Variants in RNF175 observed in about 807,000 individuals in gnomAD.
RNF175 encodes ring finger protein 175.
In RNF175, 38 loss-of-function variants were observed where a neutral mutation model predicts 50.0. The ratio of observed to expected loss-of-function variants is 0.76; its 90% CI spans 0.59 to 1.00. RNF175 has a LOEUF of 1.00. Ranked by LOEUF, RNF175 falls within the 50% of genes least tolerant of loss-of-function variation. RNF175 has a pLI of 0.00. For synonymous variants in RNF175, 155 were observed against 146.1 expected (o/e 1.06, Z -0.44); for missense variants, 388 against 409.6 (o/e 0.95, Z 0.46).
chr4:153,723,837 G>A (rs1431331904), intron 4 of RNF175, among the ~76,000 whole-genome samples: 1 of 152,152 alleles, frequency 6.6e-6, no homozygotes, highest in African/African-American at 2.4e-5. Flanking sequence ...GTGCCTTGGA[G>A]GTGAACAAAA....
intron 3 of RNF175, among the ~76,000 whole-genome samples, chr4:153,734,955 C>T (rs1739275412): frequency 6.6e-6 from 1 of 152,102 alleles, no homozygotes; most frequent in Admixed American, 6.6e-5. Context: ...GGATTACAGG[C>T]TTGAGCCACC....
intron 3 of RNF175, among the ~76,000 whole-genome samples, chr4:153,744,568 T>C (rs1233738563): frequency 6.6e-6 from 1 of 152,140 alleles, no homozygotes; most frequent in Non-Finnish European, 1.5e-5. Flanking sequence ...AAAAAGAACA[T>C]TTTTTTCTAC....
chr4:153,735,610 A>G (rs1739314372), intron 3 of RNF175, among the ~76,000 whole-genome samples: 1 of 152,212 alleles, frequency 6.6e-6, no homozygotes, highest in South Asian at 2.1e-4. Context: ...AGATCTATAG[A>G]TCAAGTCAGG....
chr4:153,738,034 CATT>C (rs1436255087), intron 3 of RNF175, among the ~76,000 whole-genome samples: 1 of 152,074 alleles, frequency 6.6e-6, no homozygotes, highest in Non-Finnish European at 1.5e-5. Context: ...ACCCCTTTAT[CATT>C]ATGTAATGCC....
intron 6 of RNF175, among the ~76,000 whole-genome samples, chr4:153,716,063 C>CAAAAAA (rs35531787): frequency 6.4e-5 from 6 of 94,188 alleles, no homozygotes; most frequent in African/African-American, 9.7e-5. Context: ...GACTCTGTCT[C>CAAAAAA]AAAAAAAAAA....
intron 1 of RNF175, among the ~76,000 whole-genome samples, chr4:153,751,751 ATCAG>A (rs1740301881): frequency 6.6e-6 from 1 of 152,180 alleles, no homozygotes; most frequent in African/African-American, 2.4e-5. Context: ...GTTTTGGCAA[ATCAG>A]TCAAAGTTAC....
At chr4:153,753,308 T>C (rs572321062) in intron 1 of RNF175, among the ~76,000 whole-genome samples, 2 of 151,970 alleles carry the variant, frequency 1.3e-5, no homozygotes, top group Non-Finnish European at 2.9e-5. Context: ...TAAGGTTTGG[T>C]GGCCCCCACA....
At chr4:153,742,200 G>A (rs1010609033) in intron 3 of RNF175, among the ~76,000 whole-genome samples, 2 of 150,984 alleles carry the variant, frequency 1.3e-5, no homozygotes, top group Admixed American at 6.6e-5. Flanking sequence ...CTTGAACCTG[G>A]GAGGCAGAGG....
At position 153,712,618 on chromosome 4, in the gene RNF175, A is replaced by C. The variant is rs772304869; in HGVS notation, c.765-42T>G. The C allele has an allele frequency of 1.3e-5, 17 of 1,294,456 alleles. No individual in the cohort carries two copies. The South Asian group carries it at 2.1e-4, about 16-fold the overall frequency. The allele number at this position is 1,294,456 out of a possible 1,614,324, so 80.2% of individuals were successfully genotyped here. ...GGGAGGCTTCTAGATATGAAAAGGC[A>C]ATGTCTGGTTCATGATGGCATGGAA... On this transcript the variant is annotated intron_variant, in intron 7 of 8. Transcript: ENST00000347063.
At chr4:153,744,314 C>T (rs933375216) in intron 3 of RNF175, among the ~76,000 whole-genome samples, 9 of 151,812 alleles carry the variant, frequency 5.9e-5, no homozygotes, top group African/African-American at 1.7e-4. Context: ...CTCAGCTACT[C>T]GGGAGGCTGA....
At chr4:153,740,941 G>A (rs943191117) in intron 3 of RNF175, among the ~76,000 whole-genome samples, 4 of 152,158 alleles carry the variant, frequency 2.6e-5, no homozygotes, top group African/African-American at 9.7e-5. Flanking sequence ...TTCCACTAGT[G>A]TCCTTGTTTC....
At chr4:153,720,950 C>T (rs891084580) in intron 5 of RNF175, among the ~76,000 whole-genome samples, 10 of 152,154 alleles carry the variant, frequency 6.6e-5, no homozygotes, top group African/African-American at 2.4e-4. Flanking sequence ...ATTATCACCA[C>T]CACTTTACAT....
intron 6 of RNF175, among the ~76,000 whole-genome samples, chr4:153,719,936 G>T (rs1470930488): frequency 6.6e-6 from 1 of 152,184 alleles, no homozygotes; most frequent in Non-Finnish European, 1.5e-5. Context: ...TATTTTAAAA[G>T]ATGCCTTATT....
At chr4:153,715,400 G>A (rs1337349030) in intron 7 of RNF175, 129 bp downstream of exon 7, 1 of 854,722 alleles carries the variant, frequency 1.2e-6, no homozygotes, top group Admixed American at 2.0e-5. Flanking sequence ...CTGGGCTGGA[G>A]GATAAAGGAC....
At chr4:153,722,983 G>T (rs1010564431) in intron 5 of RNF175, among the ~76,000 whole-genome samples, 1 of 152,084 alleles carries the variant, frequency 6.6e-6, no homozygotes, top group African/African-American at 2.4e-5. Flanking sequence ...TAATTCTAGA[G>T]GTTTTAGATA....
At chr4:153,725,989 C>A (rs1464344131) in intron 4 of RNF175, among the ~76,000 whole-genome samples, 1 of 152,142 alleles carries the variant, frequency 6.6e-6, no homozygotes, top group Non-Finnish European at 1.5e-5. Context: ...TGTTTAACTG[C>A]TTCAGAGCAG....
intron 1 of RNF175, among the ~76,000 whole-genome samples, chr4:153,753,542 T>TTC (rs35760802): frequency 2.4e-4 from 35 of 147,824 alleles, no homozygotes; most frequent in South Asian, 4.3e-4. Context: ...TTTTTATCTT[T>TTC]TCTCTCTCTC....
In RNF175 at chr4:153,711,987, C is replaced by T. The variant is rs145935826; in HGVS notation, c.866+488G>A. On this transcript the variant is annotated intron_variant, in intron 8 of 8. Coordinates refer to ENST00000347063, the MANE Select transcript of RNF175 (RefSeq NM_173662.4). ...GGAATTTAAAAAGCCAAAATCCAGA[C>T]GGGGAAATACCTACTCATTTCTGGG... Among the ~76,000 whole-genome samples, 554 of 152,228 alleles carry T rather than the reference C, an allele frequency of 3.6e-3. 1 individual carries two copies. The highest frequency in any genetic ancestry group is 0.012 in the African/African-American group (516 of 41,532).
At chr4:153,730,899 TAGA>T (rs1337537142) in intron 3 of RNF175, among the ~76,000 whole-genome samples, 1 of 151,926 alleles carries the variant, frequency 6.6e-6, no homozygotes, top group African/African-American at 2.4e-5. Context: ...GAACAATTTC[TAGA>T]AGATGTCAAA....
Sources: allele counts gnomAD v4.1 joint callset (sites outside exome capture counted in the v4.1 genomes callset), GRCh38; gene constraint gnomAD v4.1.1; transcripts MANE v1.5; gene names NCBI Gene and HGNC (gene_info 2026-07-23, HGNC 2026-07-21).